The following RGS6 variants were observed in gnomAD, a reference collection of about 807,000 sequenced individuals.
The protein encoded by RGS6 is regulator of G protein signaling 6.
Under a neutral mutation model 78.5 loss-of-function variants are expected in RGS6, and 30 were observed. That is an observed-to-expected ratio of 0.38 (90% CI 0.29 to 0.52). RGS6 has a LOEUF of 0.52. Among genes scored for constraint, RGS6 ranks in the 20% least tolerant of loss-of-function variants. The pLI is 0.85. For synonymous variants in RGS6, 206 were observed against 206.0 expected (o/e 1.00, Z 0.00); for missense variants, 495 against 609.7 (o/e 0.81, Z 1.98).
chr14:72,535,268 C>T (rs77633530), intron 15 of RGS6, among the ~76,000 whole-genome samples: 1 of 152,220 alleles, frequency 6.6e-6, no homozygotes, highest in Non-Finnish European at 1.5e-5. Context: ...GCTGCAGCAC[C>T]TGCCCCTCCT....
chr14:72,108,988 C>A (rs967410860), intron 2 of RGS6, among the ~76,000 whole-genome samples: 2 of 151,990 alleles, frequency 1.3e-5, no homozygotes, highest in African/African-American at 4.8e-5. Flanking sequence ...ATTTTCCTCA[C>A]GTTTTAGAAA....
intron 2 of RGS6, among the ~76,000 whole-genome samples, chr14:72,003,658 T>A (rs936329867): frequency 2.6e-5 from 4 of 152,120 alleles, no homozygotes; most frequent in African/African-American, 9.7e-5. Context: ...GAAAGCAGCC[T>A]CTTATAGTAG....
chr14:72,481,141 C>G (rs1031396100), intron 12 of RGS6, among the ~76,000 whole-genome samples: 6 of 152,190 alleles, frequency 3.9e-5, no homozygotes, highest in Non-Finnish European at 8.8e-5. Context: ...CTCTCGGTGC[C>G]TGTTTTTACC....
At chr14:72,171,798 T>C (rs1382920488) in intron 2 of RGS6, among the ~76,000 whole-genome samples, 1 of 152,206 alleles carries the variant, frequency 6.6e-6, no homozygotes, top group Non-Finnish European at 1.5e-5. Flanking sequence ...TTAATAAGTG[T>C]TTTATGTGCA....
At chr14:72,412,686 C>G (rs1442718122) in intron 3 of RGS6, among the ~76,000 whole-genome samples, 1 of 152,154 alleles carries the variant, frequency 6.6e-6, no homozygotes, top group Admixed American at 6.6e-5. Flanking sequence ...ACCTTTCGTG[C>G]TTTCTCTTGT....
chr14:72,400,528 T>A (rs1022863523), intron 3 of RGS6, among the ~76,000 whole-genome samples: 1 of 152,206 alleles, frequency 6.6e-6, no homozygotes, highest in African/African-American at 2.4e-5. Flanking sequence ...CTATAAGCTA[T>A]CGATGGAACA....
intron 1 of RGS6, among the ~76,000 whole-genome samples, chr14:71,954,021 C>T (rs1337538142): frequency 1.5e-5 from 2 of 131,890 alleles, no homozygotes; most frequent in Non-Finnish European, 3.1e-5. Flanking sequence ...ACTCCACACT[C>T]TGGCTTGCAT....
the RGS6 span, among the ~76,000 whole-genome samples, chr14:72,581,449 G>A: frequency 6.6e-6 from 1 of 152,042 alleles, no homozygotes; most frequent in Non-Finnish European, 1.5e-5. Flanking sequence ...CCTTCTGCAT[G>A]CAATCCAGCC....
At position 72,299,162 on chromosome 14, in the gene RGS6, T is replaced by C. The variant is rs542667604; in HGVS notation, c.85-52933T>C. Among the ~76,000 whole-genome samples the C allele has an allele frequency of 1.7e-4, 26 of 152,348 alleles. No homozygotes were observed. In the South Asian group the frequency reaches 5.4e-3, roughly 32 times the overall value. ...GATATAACTCACATATAACACAGTT[T>C]ACCATTTGATGTATACAATCCAGTG... On this transcript the variant is annotated intron_variant, in intron 2 of 17. Transcript: ENST00000553525.
chr14:72,518,455 C>G lies in RGS6; in HGVS notation c.1196C>G (p.Ala399Gly). The stretch of plus-strand genomic sequence containing the variant: ...TTTCTGGCTCCAGGGGCTCCAAGTG[C>G]AATCAACCTGGATTCTCACAGCTAT... ...QEFLAPGAPS[A>G]INLDSHSYEI... The change falls in exon 15 of 18, where the codon GCA (alanine) becomes GGA (glycine). Residue 399 changes from alanine (A) to glycine (G), a missense_variant. Coordinates refer to ENST00000553525, the MANE Select transcript of RGS6 (RefSeq NM_001204424.2). 3 of 1,614,162 alleles carry G rather than the reference C, an allele frequency of 1.9e-6. No homozygotes were observed. Among genetic ancestry groups the G allele is most frequent in the Non-Finnish European group, 1.7e-6 (2 of 1,179,994 alleles).
intron 1 of RGS6, among the ~76,000 whole-genome samples, chr14:71,941,779 A>G (rs1368348198): frequency 6.6e-6 from 1 of 152,194 alleles, no homozygotes; most frequent in Non-Finnish European, 1.5e-5. Context: ...TGACTCACAT[A>G]TTTAATCTCT....
chr14:72,220,263 A>T (rs912317112), intron 2 of RGS6, among the ~76,000 whole-genome samples: 7 of 151,004 alleles, frequency 4.6e-5, no homozygotes, highest in Non-Finnish European at 1.0e-4. Flanking sequence ...TTCCACATGA[A>T]TTTTTTTTTT....
At chr14:71,964,210 A>G (rs1031813147) in intron 1 of RGS6, among the ~76,000 whole-genome samples, 5 of 152,236 alleles carry the variant, frequency 3.3e-5, no homozygotes, top group African/African-American at 1.2e-4. Flanking sequence ...TCAGGAGATT[A>G]TTTAAGACTG....
At chr14:72,590,983 T>C in the RGS6 span, among the ~76,000 whole-genome samples, 2 of 152,224 alleles carry the variant, frequency 1.3e-5, no homozygotes, top group African/African-American at 2.4e-5. Flanking sequence ...CATATTATTT[T>C]ACCAAACATT....
At chr14:72,423,498 G>A (rs2094297509) in intron 3 of RGS6, among the ~76,000 whole-genome samples, 1 of 152,218 alleles carries the variant, frequency 6.6e-6, no homozygotes, top group Admixed American at 6.5e-5. Context: ...GCCATGAAAA[G>A]GATAAAGTCG....
chr14:72,396,097 G>A (rs1181920523), intron 3 of RGS6, among the ~76,000 whole-genome samples: 5 of 152,156 alleles, frequency 3.3e-5, no homozygotes, highest in Admixed American at 3.3e-4. Context: ...AGATCCCTGA[G>A]GAATCGCCAC....
At chr14:72,003,856 T>TTCAG (rs1201549166) in intron 2 of RGS6, among the ~76,000 whole-genome samples, 2 of 152,128 alleles carry the variant, frequency 1.3e-5, no homozygotes, top group African/African-American at 4.8e-5. Context: ...TACCATATCA[T>TTCAG]TCAGTCATAG....
intron 3 of RGS6, among the ~76,000 whole-genome samples, chr14:72,437,436 G>C (rs1253967865): frequency 1.3e-5 from 2 of 151,232 alleles, no homozygotes; most frequent in African/African-American, 4.9e-5. Context: ...TCCTCATTCA[G>C]CTCTCTCCTC....
At chr14:72,250,241 A>T (rs1349135264) in intron 2 of RGS6, among the ~76,000 whole-genome samples, 1 of 120,296 alleles carries the variant, frequency 8.3e-6, no homozygotes, top group Non-Finnish European at 1.8e-5. Flanking sequence ...AAACTATAAT[A>T]AAAAAAAAAA....
Sources: allele counts gnomAD v4.1 joint callset (sites outside exome capture counted in the v4.1 genomes callset), GRCh38; gene constraint gnomAD v4.1.1; transcripts MANE v1.5; gene names NCBI Gene and HGNC (gene_info 2026-07-23, HGNC 2026-07-21).